AVEN: variants seen among roughly 807,000 people sequenced by gnomAD.
AVEN encodes the protein cell death regulator Aven.
A neutral mutation model predicts 38.1 loss-of-function variants in AVEN; 41 were observed. The ratio of observed to expected loss-of-function variants is 1.08; its 90% CI spans 0.84 to 1.40. AVEN has a LOEUF of 1.40. Ranked by LOEUF, AVEN falls within the 40% of genes most tolerant of loss-of-function variation. The probability of loss-of-function intolerance (pLI) is 0.00; values close to 1 mark genes in which losing one functional copy is unlikely to be tolerated. For synonymous variants in AVEN, 206 were observed against 171.8 expected (o/e 1.20, Z -1.56); for missense variants, 605 against 438.8 (o/e 1.38, Z -3.38).
At chr15:33,980,553 T>A (rs778285209) in intron 2 of AVEN, among the ~76,000 whole-genome samples, 25 of 152,148 alleles carry the variant, frequency 1.6e-4, no homozygotes, top group Non-Finnish European at 3.7e-4. Context: ...TGTATGGGTA[T>A]CCTGGGAGAT....
intron 4 of AVEN, chr15:34,065,090 A>C (rs946605396): frequency 6.0e-6 from 1 of 166,166 alleles, no homozygotes; most frequent in Admixed American, 6.5e-5. Flanking sequence ...AAGTCTCCAC[A>C]GTCAGTTATT....
intron 2 of AVEN, among the ~76,000 whole-genome samples, chr15:33,973,695 T>TA (rs891046813): frequency 3.3e-5 from 5 of 152,084 alleles, no homozygotes; most frequent in East Asian, 1.9e-4. Context: ...ATCTAAAAGT[T>TA]AAAAAAATAA....
intron 2 of AVEN, among the ~76,000 whole-genome samples, chr15:33,988,652 C>T (rs564126087): frequency 6.6e-6 from 1 of 152,268 alleles, no homozygotes; most frequent in East Asian, 1.9e-4. Flanking sequence ...ATTTATGAAG[C>T]CTAACCCTTC....
intron 2 of AVEN, among the ~76,000 whole-genome samples, chr15:33,914,549 A>G (rs1328303154): frequency 6.6e-6 from 1 of 151,510 alleles, no homozygotes; most frequent in African/African-American, 2.4e-5. Flanking sequence ...ATGAAGCTCA[A>G]GTACTAGAAG....
At chr15:33,891,506 C>T (rs11633680) in intron 2 of AVEN, among the ~76,000 whole-genome samples, 119,599 of 151,992 alleles carry the variant, frequency 0.79, 50,627 homozygotes, top group East Asian at 0.97. Flanking sequence ...CTGTGATAGT[C>T]TGCTGAGAAT....
chr15:33,951,746 C>T (rs1324688061), intron 2 of AVEN, among the ~76,000 whole-genome samples: 3 of 151,990 alleles, frequency 2.0e-5, no homozygotes, highest in South Asian at 2.1e-4. Flanking sequence ...AGTTACAGAA[C>T]CATGTCTATT....
At chr15:33,881,171 C>G (rs1235467383) in intron 2 of AVEN, among the ~76,000 whole-genome samples, 1 of 151,906 alleles carries the variant, frequency 6.6e-6, no homozygotes, top group Non-Finnish European at 1.5e-5. Context: ...TCACTGCAGC[C>G]TCAAACTCCT....
intron 1 of AVEN, among the ~76,000 whole-genome samples, chr15:34,021,210 G>C (rs1898185663): frequency 6.6e-6 from 1 of 151,636 alleles, no homozygotes. Flanking sequence ...TTTGGAGATG[G>C]AGTTTTGCTC....
intron 2 of AVEN, among the ~76,000 whole-genome samples, chr15:33,968,139 A>G (rs2140487744): frequency 7.3e-6 from 1 of 136,940 alleles, no homozygotes; most frequent in Admixed American, 7.7e-5. Context: ...TCTAGCCAAA[A>G]AGACTAACAG....
intron 1 of AVEN, among the ~76,000 whole-genome samples, chr15:34,025,244 T>C (rs1019696257): frequency 2.1e-4 from 32 of 152,152 alleles, no homozygotes; most frequent in Admixed American, 1.2e-3. Context: ...GGGAGGGAAA[T>C]GTAATTTACT....
intron 2 of AVEN, among the ~76,000 whole-genome samples, chr15:33,966,701 A>C (rs1345340619): frequency 6.6e-6 from 1 of 152,096 alleles, no homozygotes; most frequent in East Asian, 1.9e-4. Context: ...AATGAGAATG[A>C]ATTTCGACAG....
rs1427250374 is a variant in AVEN at position 33,880,172 on chromosome 15, C to T, written c.446-4177G>A. ...CTTATTCCCCCAGTCTTGCTGAGAACGAGGAACCAGGCGCCCCTACCCAAA... is the reference window on the plus strand; with the variant it reads ...CTTATTCCCCCAGTCTTGCTGAGAATGAGGAACCAGGCGCCCCTACCCAAA... On this transcript the variant is annotated intron_variant, in intron 2 of 5. Coordinates refer to ENST00000306730, the MANE Select transcript of AVEN (RefSeq NM_020371.3). Among the ~76,000 whole-genome samples the T allele has an allele frequency of 5.3e-5, 8 of 152,132 alleles. No homozygotes were observed. In the Middle Eastern group the frequency reaches 0.01, roughly 194 times the overall value.
At chr15:33,918,563 C>T (rs549749762) in intron 2 of AVEN, among the ~76,000 whole-genome samples, 2 of 145,894 alleles carry the variant, frequency 1.4e-5, no homozygotes, top group Middle Eastern at 3.7e-3. Context: ...CTCTGCCTCC[C>T]GGGTTCAAGC....
chr15:33,871,105 A>T (rs549018955), intron 3 of AVEN, 75 bp from the exon 4 acceptor site: 1 of 988,254 alleles, frequency 1.0e-6, no homozygotes, highest in African/African-American at 1.7e-5. Flanking sequence ...AAGAAACTGT[A>T]AATAATCCAC....
intron 2 of AVEN, among the ~76,000 whole-genome samples, chr15:33,982,517 T>C (rs1283630485): frequency 6.6e-6 from 1 of 152,252 alleles, no homozygotes; most frequent in Non-Finnish European, 1.5e-5. Flanking sequence ...TCAGTCCCAA[T>C]GGTCAAATTC....
At chr15:34,029,011 A>T (rs1310467170) in intron 1 of AVEN, among the ~76,000 whole-genome samples, 1 of 152,196 alleles carries the variant, frequency 6.6e-6, no homozygotes, top group African/African-American at 2.4e-5. Flanking sequence ...ACCTTGAAAT[A>T]ACAATTACTA....
At chr15:34,064,219 C>T (rs1417689718) in intron 4 of AVEN, 1 of 1,614,118 alleles carries the variant, frequency 6.2e-7, no homozygotes, top group Non-Finnish European at 8.5e-7. Context: ...TGCAACAGAA[C>T]CTTCAGGAAG....
chr15:33,854,746 C>T (rs189400814), downstream of AVEN: 261 of 1,583,838 alleles, frequency 1.6e-4, no homozygotes, highest in Middle Eastern at 1.2e-3. Flanking sequence ...GCTTAAAAGT[C>T]TGCTTTCTTC....
At chr15:34,017,140 A>G (rs1357601535) in intron 1 of AVEN, among the ~76,000 whole-genome samples, 3 of 152,072 alleles carry the variant, frequency 2.0e-5, no homozygotes, top group Non-Finnish European at 4.4e-5. Flanking sequence ...GGGGGAAAAA[A>G]AAAGGTATCA....
Sources: gnomAD v4.1 joint callset for allele counts (sites outside exome capture counted in the v4.1 genomes callset) on GRCh38, gnomAD v4.1.1 for gene constraint, MANE v1.5 for transcripts, NCBI Gene and HGNC (gene_info 2026-07-23, HGNC 2026-07-21) for gene names.